Variants in ZNF81 observed in about 807,000 individuals in gnomAD.
ZNF81 encodes zinc finger protein 81 (HFZ20).
A neutral mutation model predicts 32.3 loss-of-function variants in ZNF81; 5 were observed. The observed-to-expected ratio is 0.15, with a 90% CI of 0.08 to 0.33. ZNF81 has a LOEUF of 0.33. Among genes scored for constraint, ZNF81 ranks in the 10% least tolerant of loss-of-function variants. The pLI is 1.00. For synonymous variants in ZNF81, 163 were observed against 166.8 expected (o/e 0.98, Z 0.17); for missense variants, 379 against 479.8 (o/e 0.79, Z 1.96).
chrX:47,857,223 A>G (rs1298824591), intron 2 of ZNF81, among the ~76,000 whole-genome samples: 1 of 112,059 alleles, frequency 8.9e-6, no homozygotes, highest in Non-Finnish European at 1.9e-5. Flanking sequence ...TTGTACCACT[A>G]GCCACTTTAA....
intron 2 of ZNF81, among the ~76,000 whole-genome samples, chrX:47,855,729 T>C (rs1158167793): frequency 9.0e-6 from 1 of 111,262 alleles, no homozygotes; most frequent in Non-Finnish European, 1.9e-5. Flanking sequence ...TTTGCTTCTT[T>C]ATGATAATTC....
intron 2 of ZNF81, among the ~76,000 whole-genome samples, chrX:47,862,953 T>TA (rs782469821): frequency 5.5e-4 from 61 of 111,478 alleles, no homozygotes; most frequent in Non-Finnish European, 9.6e-4. Context: ...CAATCTCAGT[T>TA]AATCATTCAT....
intron 4 of ZNF81, among the ~76,000 whole-genome samples, chrX:47,898,362 G>A (rs1556887491): frequency 9.0e-6 from 1 of 111,178 alleles, no homozygotes; most frequent in Non-Finnish European, 1.9e-5. Flanking sequence ...CTGGGAGTGG[G>A]CAGTCTCTCC....
intron 2 of ZNF81, among the ~76,000 whole-genome samples, chrX:47,877,598 T>G (rs782313817): frequency 1.6e-4 from 18 of 111,795 alleles, no homozygotes; most frequent in Non-Finnish European, 2.8e-4. Flanking sequence ...CTGTTTCGAC[T>G]TTGGGGATGC....
chrX:47,854,953 GGT>G (rs782277348), intron 2 of ZNF81, among the ~76,000 whole-genome samples: 1 of 109,950 alleles, frequency 9.1e-6, no homozygotes, highest in African/African-American at 3.3e-5. Flanking sequence ...ATATTAGCCG[GGT>G]GTGGTGGCAG....
chrX:47,907,149 A>G (rs1309333334), intron 4 of ZNF81, among the ~76,000 whole-genome samples: 1 of 95,288 alleles, frequency 1.0e-5, no homozygotes, highest in Non-Finnish European at 2.1e-5. Flanking sequence ...CCCTATAGCC[A>G]CATAAATATA....
intron 3 of ZNF81, among the ~76,000 whole-genome samples, chrX:47,892,318 C>A (rs2058665489): frequency 8.9e-6 from 1 of 111,888 alleles, no homozygotes; most frequent in South Asian, 3.7e-4. Context: ...TCAGTGGCTG[C>A]AGTTCCCACT....
At chrX:47,838,867 G>C (rs1169188124) in intron 1 of ZNF81, among the ~76,000 whole-genome samples, 2 of 111,638 alleles carry the variant, frequency 1.8e-5, no homozygotes, top group African/African-American at 6.5e-5. Flanking sequence ...GCTTACTGCA[G>C]CCTTGACCTC....
At chrX:47,862,523 C>CAAAAAAAAAAAA (rs5902400) in intron 2 of ZNF81, among the ~76,000 whole-genome samples, 3 of 76,634 alleles carry the variant, frequency 3.9e-5, no homozygotes, top group African/African-American at 1.4e-4. Context: ...GACTCCGTCT[C>CAAAAAAAAAAAA]AAAAAAAAAA....
chrX:47,870,247 C>A (rs994879104), intron 2 of ZNF81, among the ~76,000 whole-genome samples: 3 of 112,036 alleles, frequency 2.7e-5, no homozygotes, highest in Non-Finnish European at 5.6e-5. Flanking sequence ...AGGCACAGGA[C>A]ATGGTCTCAG....
intron 2 of ZNF81, among the ~76,000 whole-genome samples, chrX:47,873,875 C>T (rs1373656889): frequency 9.0e-6 from 1 of 111,217 alleles, no homozygotes; most frequent in Non-Finnish European, 1.9e-5. Flanking sequence ...CCATGTTGCT[C>T]AGGCTCATCT....
chrX:47,878,737 T>C lies in ZNF81; in HGVS notation c.55-9262T>C, dbSNP rs1192804651. Among the ~76,000 whole-genome samples the C allele has an allele frequency of 3.6e-5, 4 of 112,486 alleles. No homozygotes were observed. In the Admixed American group the frequency reaches 3.8e-4, roughly 11 times the overall value. On this transcript the variant is annotated intron_variant, in intron 2 of 4. Coordinates refer to ENST00000338637, the MANE Select transcript of ZNF81 (RefSeq NM_007137.5). ...CTGATTCACCTTAAATCCTCTTAAT[T>C]GCCCCATATATTAGTTTTCTATCAC... is the stretch of plus-strand genomic sequence containing the variant.
At chrX:47,907,547 A>C (rs1341492792) in intron 4 of ZNF81, among the ~76,000 whole-genome samples, 1 of 111,722 alleles carries the variant, frequency 9.0e-6, no homozygotes. Context: ...TTGTAGAAAA[A>C]AAAAATTGGC....
In ZNF81 at chrX:47,915,414, C is replaced by T. The variant is rs201474176; in HGVS notation, c.768C>T (p.Ser256=). 9.1e-6 allele frequency: 11 copies of T among 1,209,785 alleles called. No homozygotes were observed. The highest frequency in any genetic ancestry group is 1.2e-5 in the Non-Finnish European group (11 of 895,197). The change falls in exon 5 of 5, where the codon AGC becomes AGT. Residue 256 remains serine, a synonymous_variant. Coordinates refer to ENST00000338637, the MANE Select transcript of ZNF81 (RefSeq NM_007137.5). ...GTAATCAATGTGGAAAAGTCCTCAG[C>T]CTCAAACACTCACTCAGTCAAAATG... ...CERNQCGKVL[S]LKHSLSQNVK... is the part of the protein sequence containing the mutation.
chrX:47,857,031 A>AGCC (rs2058520239), intron 2 of ZNF81, among the ~76,000 whole-genome samples: 1 of 112,182 alleles, frequency 8.9e-6, no homozygotes, highest in South Asian at 3.7e-4. Flanking sequence ...CACCAATAGA[A>AGCC]GCCTGTGGCT....
chrX:47,884,968 T>C (rs1189534907), intron 2 of ZNF81, among the ~76,000 whole-genome samples: 2 of 111,897 alleles, frequency 1.8e-5, no homozygotes, highest in African/African-American at 3.3e-5. Flanking sequence ...CCTCAGATGG[T>C]GGTGCCAAGG....
At chrX:47,909,166 T>C (rs782144706) in intron 4 of ZNF81, among the ~76,000 whole-genome samples, 1 of 112,196 alleles carries the variant, frequency 8.9e-6, no homozygotes, top group African/African-American at 3.2e-5. Context: ...TTATATAGAA[T>C]TGGTATTGGT....
intron 1 of ZNF81, among the ~76,000 whole-genome samples, chrX:47,844,614 A>G (rs2058463343): frequency 8.9e-6 from 1 of 112,665 alleles, no homozygotes; most frequent in South Asian, 3.6e-4. Context: ...TTTGGCTGCT[A>G]TGAATAATGC....
chrX:47,839,275 A>G (rs1363658719), intron 1 of ZNF81, among the ~76,000 whole-genome samples: 1 of 112,050 alleles, frequency 8.9e-6, no homozygotes, highest in African/African-American at 3.2e-5. Context: ...CTTTTTGATC[A>G]TGGCTTCAAT....
Sources: gnomAD v4.1 joint callset for allele counts (sites outside exome capture counted in the v4.1 genomes callset) on GRCh38, gnomAD v4.1.1 for gene constraint, MANE v1.5 for transcripts, NCBI Gene and HGNC (gene_info 2026-07-23, HGNC 2026-07-21) for gene names.